Variants in ELMO1 observed in about 807,000 individuals in gnomAD.
ELMO1 encodes engulfment and cell motility 1.
ELMO1 carries 26 observed loss-of-function variants against 98.9 expected under a neutral mutation model. That is an observed-to-expected ratio of 0.26 (90% CI 0.19 to 0.36). The LOEUF (loss-of-function observed/expected upper bound fraction) is 0.36. Ranked by LOEUF, ELMO1 falls within the 10% of genes least tolerant of loss-of-function variation. The pLI is 1.00. For synonymous variants in ELMO1, 346 were observed against 346.0 expected (o/e 1.00, Z 0.00); for missense variants, 627 against 935.2 (o/e 0.67, Z 4.30).
At chr7:37,446,985 TC>T (rs1805642712) in intron 1 of ELMO1, among the ~76,000 whole-genome samples, 1 of 152,212 alleles carries the variant, frequency 6.6e-6, no homozygotes, top group Admixed American at 6.5e-5. Flanking sequence ...GGATCTGGCC[TC>T]CTAACTTACC....
chr7:37,290,850 TTGATGA>T (rs66521312), intron 4 of ELMO1, among the ~76,000 whole-genome samples: 5 of 151,182 alleles, frequency 3.3e-5, no homozygotes, highest in East Asian at 1.9e-4. Context: ...CAGGGTGATT[TTGATGA>T]TGATGATGAT....
At chr7:37,211,259 TG>T in intron 13 of ELMO1, 126 bp downstream of exon 13, 1 of 1,361,922 alleles carries the variant, frequency 7.3e-7, no homozygotes, top group Non-Finnish European at 1.0e-6. Flanking sequence ...GCTAAACATC[TG>T]GAAATGTGGA....
intron 15 of ELMO1, among the ~76,000 whole-genome samples, chr7:37,035,688 T>C (rs1220546202): frequency 6.6e-6 from 1 of 152,214 alleles, no homozygotes; most frequent in Non-Finnish European, 1.5e-5. Context: ...GTACTTCCTA[T>C]GGGTCCATGA....
rs534372939 is a variant in ELMO1, at chr7:37,029,490, C to T, written c.1301-16055G>A. Among the ~76,000 whole-genome samples, 6 of 151,834 alleles carry T rather than the reference C, an allele frequency of 4.0e-5. No individual in the cohort carries two copies. The South Asian group carries it at 1.2e-3, about 32-fold the overall frequency. ...TCACAGAAAGAGCCTCAAAACCAAA[C>T]CAAAACAACCAAACACAACAGATGT... On this transcript the variant is annotated intron_variant, in intron 15 of 21. Transcript: ENST00000310758.
At chr7:37,393,064 A>G (rs1803150238) in intron 1 of ELMO1, among the ~76,000 whole-genome samples, 1 of 152,208 alleles carries the variant, frequency 6.6e-6, no homozygotes, top group South Asian at 2.1e-4. Flanking sequence ...TTCCATCAGG[A>G]CATAATACAA....
rs1805162908 is a variant in ELMO1 at position 36,887,785 on chromosome 7, C to T, written c.1602-113G>A. 2.4e-5 allele frequency: 20 copies of T among 841,978 alleles called. No homozygotes were observed. In the South Asian group the frequency reaches 3.2e-4, roughly 14 times the overall value. 52.2% of individuals were successfully genotyped at this position (841,978 alleles called of 1,614,324 possible). A position where few individuals can be genotyped will look rare whatever the true frequency, so the allele number is the denominator to read the frequency against. On this transcript the variant is annotated intron_variant, in intron 17 of 21. Coordinates refer to ENST00000310758, the MANE Select transcript of ELMO1 (RefSeq NM_014800.11). Reference sequence around the variant, plus strand: ...AACAAGTGCATCTTTTCATGAGCATCTAATACCTCCAACTTGGTGCTTTAG... The same window carrying T: ...AACAAGTGCATCTTTTCATGAGCATTTAATACCTCCAACTTGGTGCTTTAG...
At chr7:37,354,397 T>C (rs994342403) in intron 1 of ELMO1, among the ~76,000 whole-genome samples, 3 of 152,232 alleles carry the variant, frequency 2.0e-5, no homozygotes, top group African/African-American at 4.8e-5. Flanking sequence ...TATTCATTTG[T>C]TCCCACTGGA....
rs367770918 is a variant in ELMO1 at position 37,224,956 on chromosome 7, C to T, written c.624G>A (p.Met208Ile). 1.2e-6 allele frequency: 2 copies of T among 1,614,090 alleles called. No homozygotes were observed. The highest frequency in any genetic ancestry group is 1.7e-6 in the Non-Finnish European group (2 of 1,179,990). The change falls in exon 9 of 22, where the codon ATG (methionine) becomes ATA (isoleucine). Residue 208 changes from methionine to isoleucine, a missense_variant. Met to Ile is a conservative substitution (Grantham distance 10). Coordinates refer to ENST00000310758, the MANE Select transcript of ELMO1 (RefSeq NM_014800.11). ...LQRSLAILES[M>I]VLNSHDLYQK... The stretch of plus-strand genomic sequence containing the variant: ...GGTAGAGGTCATGGCTATTGAGCAC[C>T]ATCGACTCCAAAATGGCCAAGGACC...
Position 37,319,863 on chromosome 7 carries a change from C to G in ELMO1, c.79-3903G>C, listed in dbSNP as rs1463561741. On this transcript the variant is annotated intron_variant, in intron 2 of 21. Transcript: ENST00000310758. ...GGTCCCTGCAGATAAGTCTCCACATCTCCAATTTTTTTTTCTCCAATCCCC... is the reference window on the plus strand; with the variant it reads ...GGTCCCTGCAGATAAGTCTCCACATGTCCAATTTTTTTTTCTCCAATCCCC... Among the ~76,000 whole-genome samples, 30 of 152,296 alleles carry G rather than the reference C, an allele frequency of 2.0e-4. 1 individual carries two copies. Among genetic ancestry groups the G allele is most frequent in the Non-Finnish European group, 2.9e-5 (2 of 68,022 alleles).
chr7:36,945,844 C>A (rs115497493), intron 16 of ELMO1, among the ~76,000 whole-genome samples: 108 of 152,320 alleles, frequency 7.1e-4, no homozygotes, highest in African/African-American at 2.5e-3. Flanking sequence ...TCAACTGGAC[C>A]AACTTTAATT....
chr7:36,907,343 C>T (rs1784038369), intron 16 of ELMO1, among the ~76,000 whole-genome samples: 1 of 152,168 alleles, frequency 6.6e-6, no homozygotes, highest in South Asian at 2.1e-4. Flanking sequence ...AATCCCTAGG[C>T]CTTTTCTCTT....
intron 18 of ELMO1, among the ~76,000 whole-genome samples, chr7:36,884,636 C>T (rs1804777887): frequency 1.3e-5 from 2 of 152,278 alleles, no homozygotes; most frequent in South Asian, 4.1e-4. Flanking sequence ...AAACCCAGAT[C>T]TGTAAATGTC....
intron 16 of ELMO1, among the ~76,000 whole-genome samples, chr7:36,915,102 T>C (rs1245284166): frequency 1.3e-5 from 2 of 151,946 alleles, no homozygotes; most frequent in Non-Finnish European, 1.5e-5. Flanking sequence ...AAAATATATA[T>C]ACTTTAAGAG....
At chr7:37,094,811 C>A (rs1784289201) in intron 15 of ELMO1, among the ~76,000 whole-genome samples, 1 of 152,174 alleles carries the variant, frequency 6.6e-6, no homozygotes. Context: ...CTGGAGAGAA[C>A]CTGGAGGTGT....
chr7:37,369,110 A>G (rs1027937371), intron 1 of ELMO1, among the ~76,000 whole-genome samples: 22 of 152,218 alleles, frequency 1.4e-4, no homozygotes, highest in African/African-American at 5.1e-4. Flanking sequence ...AGAGAGCCCA[A>G]TATTATAAAG....
At chr7:37,212,027 C>A (rs1584815758) in intron 12 of ELMO1, among the ~76,000 whole-genome samples, 1 of 152,288 alleles carries the variant, frequency 6.6e-6, no homozygotes, top group East Asian at 1.9e-4. Context: ...TGTGGACATA[C>A]AATGGGATAC....
chr7:36,899,711 A>G (rs1431605068), intron 16 of ELMO1, among the ~76,000 whole-genome samples: 1 of 11,660 alleles, frequency 8.6e-5, no homozygotes, highest in Non-Finnish European at 4.8e-4. Context: ...ACCACTCCTA[A>G]ACTAGGAGTA....
intron 7 of ELMO1, among the ~76,000 whole-genome samples, chr7:37,241,549 TTTGTC>T: frequency 6.6e-6 from 1 of 152,152 alleles, no homozygotes; most frequent in Admixed American, 6.5e-5. Context: ...TTGTTTTCTG[TTTGTC>T]TTAACTATAT....
chr7:36,984,408 A>G (rs1791339970), intron 16 of ELMO1, among the ~76,000 whole-genome samples: 1 of 152,218 alleles, frequency 6.6e-6, no homozygotes, highest in African/African-American at 2.4e-5. Context: ...CTCTCCTGCA[A>G]CGTCAGCCCT....
Sources: allele counts gnomAD v4.1 joint callset (sites outside exome capture counted in the v4.1 genomes callset), GRCh38; gene constraint gnomAD v4.1.1; transcripts MANE v1.5; gene names NCBI Gene and HGNC (gene_info 2026-07-23, HGNC 2026-07-21).